Variants in TRPM3 observed in about 807,000 individuals in gnomAD.
TRPM3 encodes transient receptor potential cation channel subfamily M member 3.
In TRPM3, 77 loss-of-function variants were observed where a neutral mutation model predicts 181.2. The observed-to-expected ratio is 0.42, with a 90% confidence interval of 0.35 to 0.51. The LOEUF (loss-of-function observed/expected upper bound fraction) is 0.51. Among genes scored for constraint, TRPM3 ranks in the 20% least tolerant of loss-of-function variants. The pLI, the probability that TRPM3 is intolerant of heterozygous loss-of-function variation, is 0.01. For synonymous variants in TRPM3, 745 were observed against 796.4 expected (o/e 0.94, Z 1.09); for missense variants, 1,759 against 2,196.7 (o/e 0.80, Z 3.98).
rs557381175 is a variant in TRPM3, at chr9:71,291,648, G to A, written c.183+155005C>T. On this transcript the variant is annotated intron_variant, in intron 1 of 24. Transcript: ENST00000357533. ...AAGTTATTTAATTTACCAAGAATAT[G>A]TAGTATTTTCAAATGTATATGACCC... Among the ~76,000 whole-genome samples, 362 of 152,122 alleles carry A rather than the reference G, an allele frequency of 2.4e-3. 2 individuals carry two copies. The highest frequency in any genetic ancestry group is 4.0e-3 in the Non-Finnish European group (275 of 67,950).
intron 8 of TRPM3, among the ~76,000 whole-genome samples, chr9:70,742,125 A>G (rs2074245729): frequency 6.6e-6 from 1 of 152,168 alleles, no homozygotes; most frequent in South Asian, 2.1e-4. Flanking sequence ...TTTTAATGAC[A>G]TAGGAACATA....
Position 71,121,175 on chromosome 9 carries a change from T to A in TRPM3, c.177+3A>T. On this transcript the variant is annotated splice_donor_region_variant and intron_variant, in intron 1 of 25. Transcript: ENST00000677713. ...CGCCATTCAAAGCTGCAAGTTACAG[T>A]ACCTTCAGAAGTCTGACAGATGGAA... The A allele has an allele frequency of 6.2e-7, 1 of 1,610,938 alleles. No homozygotes were observed. The highest frequency in any genetic ancestry group is 8.5e-7 in the Non-Finnish European group (1 of 1,178,992).
intron 8 of TRPM3, among the ~76,000 whole-genome samples, chr9:70,741,826 G>C (rs1587680389): frequency 6.6e-6 from 1 of 152,114 alleles, no homozygotes; most frequent in African/African-American, 2.4e-5. Context: ...CTTGGGGAAA[G>C]GGTGGGAAGG....
intron 22 of TRPM3, among the ~76,000 whole-genome samples, chr9:70,568,958 T>C (rs998459200): frequency 2.6e-5 from 4 of 152,228 alleles, no homozygotes; most frequent in African/African-American, 9.6e-5. Context: ...GAACCACATC[T>C]ATGTAGATAA....
intron 1 of TRPM3, among the ~76,000 whole-genome samples, chr9:70,953,058 C>T (rs987269976): frequency 5.3e-5 from 8 of 151,392 alleles, no homozygotes; most frequent in Admixed American, 1.3e-4. Flanking sequence ...GCTGGACGGT[C>T]ATCTACACCA....
intron 6 of TRPM3, among the ~76,000 whole-genome samples, chr9:70,813,530 C>A (rs147123100): frequency 1.3e-5 from 2 of 152,072 alleles, no homozygotes; most frequent in African/African-American, 4.8e-5. Context: ...GAGGCAGGGG[C>A]TGAAAATCTT....
At chr9:70,997,935 T>C (rs1277114945) in intron 1 of TRPM3, among the ~76,000 whole-genome samples, 7 of 151,930 alleles carry the variant, frequency 4.6e-5, no homozygotes, top group Admixed American at 4.6e-4. Flanking sequence ...TCCAATAAGA[T>C]CACTCAAAGC....
At chr9:71,230,529 A>C (rs2080983087) in intron 1 of TRPM3, among the ~76,000 whole-genome samples, 2 of 152,194 alleles carry the variant, frequency 1.3e-5, no homozygotes, top group Non-Finnish European at 2.9e-5. Flanking sequence ...ATTTACCCTG[A>C]TGTAATTTTA....
At chr9:70,891,894 A>G (rs2096209386) in intron 1 of TRPM3, among the ~76,000 whole-genome samples, 1 of 152,136 alleles carries the variant, frequency 6.6e-6, no homozygotes, top group Non-Finnish European at 1.5e-5. Flanking sequence ...TCAGACCCAA[A>G]CTTAAGCCTT....
intron 8 of TRPM3, among the ~76,000 whole-genome samples, chr9:70,745,927 A>C (rs1000317366): frequency 6.6e-6 from 1 of 152,214 alleles, no homozygotes; most frequent in Non-Finnish European, 1.5e-5. Context: ...GAGAGGAACA[A>C]GAAACATCTG....
At chr9:71,064,156 T>C (rs888835974) in intron 1 of TRPM3, among the ~76,000 whole-genome samples, 2 of 152,148 alleles carry the variant, frequency 1.3e-5, no homozygotes, top group African/African-American at 4.8e-5. Flanking sequence ...CATAAAGTAA[T>C]TCTTTTCGGT....
chr9:70,878,863 G>A (rs890106005), intron 1 of TRPM3, among the ~76,000 whole-genome samples: 7 of 152,022 alleles, frequency 4.6e-5, no homozygotes, highest in East Asian at 3.9e-4. Flanking sequence ...GCACCTACAC[G>A]TTAGTAAGAT....
At chr9:71,106,859 G>T (rs1239195412) in intron 1 of TRPM3, among the ~76,000 whole-genome samples, 2 of 152,166 alleles carry the variant, frequency 1.3e-5, no homozygotes, top group Non-Finnish European at 2.9e-5. Context: ...AAATGAGTTT[G>T]CCAGGGGGTA....
intron 1 of TRPM3, among the ~76,000 whole-genome samples, chr9:71,242,500 A>C (rs965021389): frequency 7.9e-5 from 12 of 152,236 alleles, no homozygotes; most frequent in Non-Finnish European, 7.3e-5. Context: ...GCAAAAACGC[A>C]AGTTGGCTAC....
intron 3 of TRPM3, among the ~76,000 whole-genome samples, chr9:70,850,791 C>G (rs969996693): frequency 2.0e-5 from 3 of 152,166 alleles, no homozygotes; most frequent in Non-Finnish European, 4.4e-5. Flanking sequence ...GGCTTCCAAA[C>G]TATACAAACC....
intron 1 of TRPM3, among the ~76,000 whole-genome samples, chr9:71,178,947 T>A (rs1382929337): frequency 6.6e-6 from 1 of 152,172 alleles, no homozygotes; most frequent in Non-Finnish European, 1.5e-5. Context: ...AGAACTTAGA[T>A]GCTACAAATT....
chr9:71,171,368 T>C (rs530779758), intron 1 of TRPM3, among the ~76,000 whole-genome samples: 1 of 152,244 alleles, frequency 6.6e-6, no homozygotes, highest in East Asian at 1.9e-4. Flanking sequence ...AAATCCCTAA[T>C]AAAAACTTGC....
intron 1 of TRPM3, among the ~76,000 whole-genome samples, chr9:71,028,091 A>G (rs1456134205): frequency 6.6e-6 from 1 of 152,222 alleles, no homozygotes; most frequent in Non-Finnish European, 1.5e-5. Context: ...TACAAAGGGA[A>G]GTCTATTAGA....
In TRPM3 at chr9:70,640,638, G is replaced by A. The variant is rs12351775; in HGVS notation, c.1368C>T (p.Asp456=). The change falls in exon 10 of 26, where the codon GAC becomes GAT. Residue 456 remains aspartate (D), a synonymous_variant. Transcript: ENST00000677713. Reference sequence around the variant, plus strand: ...TCCAGGCTAAAGCTAAGCTCAGTTGGTCTGGGGCCGAGGCATTGGCTCCTG... The same window carrying A: ...TCCAGGCTAAAGCTAAGCTCAGTTGATCTGGGGCCGAGGCATTGGCTCCTG... ...LLKGANASAP[D]QLSLALAWNR... 50,838 of 1,613,384 alleles carry A rather than the reference G, an allele frequency of 0.032. 949 individuals carry two copies. Among genetic ancestry groups the A allele is most frequent in the South Asian group, 0.049 (4,445 of 90,984 alleles).
Sources: allele counts gnomAD v4.1 joint callset (sites outside exome capture counted in the v4.1 genomes callset), GRCh38; gene constraint gnomAD v4.1.1; transcripts MANE v1.5; gene names NCBI Gene and HGNC (gene_info 2026-07-23, HGNC 2026-07-21).